The following COL26A1 variants were observed in gnomAD, a reference collection of about 807,000 sequenced individuals.
The protein encoded by COL26A1 is collagen alpha-1(XXVI) chain.
A neutral mutation model predicts 59.3 loss-of-function variants in COL26A1; 41 were observed. The observed-to-expected ratio is 0.69, with a 90% CI of 0.54 to 0.90. The LOEUF (loss-of-function observed/expected upper bound fraction) is 0.90, where lower values mean the gene tolerates loss of function less well. COL26A1 is among the 40% of genes least tolerant of loss of function. The probability of loss-of-function intolerance (pLI) is 0.00; values close to 1 mark genes in which losing one functional copy is unlikely to be tolerated. For missense variants in COL26A1, 612 were observed against 602.3 expected, an observed-to-expected ratio of 1.02 and a Z score of -0.17; for synonymous variants, 266 against 256.0, an observed-to-expected ratio of 1.04 and a Z score of -0.37.
At chr7:101,463,992 G>A (rs1294916937) in intron 3 of COL26A1, among the ~76,000 whole-genome samples, 1 of 143,436 alleles carries the variant, frequency 7.0e-6, no homozygotes, top group Non-Finnish European at 1.5e-5. Context: ...TTGTGACAGG[G>A]TCTTGCTCTG....
At chr7:101,489,827 TTTCTTTCTTTCTTTC>T (rs1794396363) in intron 3 of COL26A1, among the ~76,000 whole-genome samples, 1 of 11,856 alleles carries the variant, frequency 8.4e-5, no homozygotes, top group Non-Finnish European at 1.3e-4. Flanking sequence ...TCTTTCTTTC[TTTCTTTCTTTCTTTC>T]TTTCTTTCTT....
intron 3 of COL26A1, among the ~76,000 whole-genome samples, chr7:101,529,618 T>A (rs181311823): frequency 2.6e-5 from 4 of 152,254 alleles, no homozygotes; most frequent in Admixed American, 2.6e-4. Context: ...TCATACCCCA[T>A]CTTTATGTCC....
At chr7:101,483,319 G>A (rs1305416261) in intron 3 of COL26A1, among the ~76,000 whole-genome samples, 3 of 144,904 alleles carry the variant, frequency 2.1e-5, no homozygotes, top group Non-Finnish European at 3.0e-5. Context: ...TGCCTCAGTC[G>A]CCCAAGTAGC....
intron 2 of COL26A1, among the ~76,000 whole-genome samples, chr7:101,446,997 A>C (rs950952824): frequency 5.3e-5 from 8 of 151,982 alleles, no homozygotes; most frequent in African/African-American, 1.9e-4. Flanking sequence ...GAGGCTCGGA[A>C]GTTGGGGAGT....
intron 3 of COL26A1, among the ~76,000 whole-genome samples, chr7:101,514,379 C>T (rs1421513457): frequency 6.6e-6 from 1 of 152,030 alleles, no homozygotes; most frequent in Admixed American, 6.6e-5. Context: ...AAAAAATAAA[C>T]CACAACGAGA....
At chr7:101,516,564 C>T (rs1795032748) in intron 3 of COL26A1, among the ~76,000 whole-genome samples, 1 of 152,158 alleles carries the variant, frequency 6.6e-6, no homozygotes, top group Non-Finnish European at 1.5e-5. Context: ...AGCTAGTGCA[C>T]CTGGTGAGAT....
rs537758695 is a variant in COL26A1 at position 101,384,102 on chromosome 7, C to G, written c.158+20912C>G. Among the ~76,000 whole-genome samples the G allele has an allele frequency of 2.0e-3, 308 of 152,296 alleles. 1 individual carries two copies. The highest frequency in any genetic ancestry group is 3.4e-3 in the Middle Eastern group (1 of 294). ...AATCACTCTTTACTGCAGCTTCCAA[C>G]TCCTGGGCTCAGGTGATCCTCCCAT... On this transcript the variant is annotated intron_variant, in intron 1 of 12. Coordinates refer to ENST00000313669, the MANE Select transcript of COL26A1 (RefSeq NM_001278563.3).
intron 3 of COL26A1, among the ~76,000 whole-genome samples, chr7:101,500,544 G>A (rs73180850): frequency 0.14 from 21,272 of 152,210 alleles, 1,966 homozygotes; most frequent in South Asian, 0.21. Flanking sequence ...CGGACCGGGC[G>A]CGGTGCCTCA....
chr7:101,539,846 T>C (rs951449724), intron 4 of COL26A1, 47 bp from the exon 5 acceptor site: 2 of 1,579,112 alleles, frequency 1.3e-6, no homozygotes, highest in Non-Finnish European at 1.7e-6. Context: ...CATGTCCCTA[T>C]GTGTCAGGCC....
At chr7:101,376,012 T>C (rs1017081151) in intron 1 of COL26A1, among the ~76,000 whole-genome samples, 4 of 127,432 alleles carry the variant, frequency 3.1e-5, no homozygotes, top group South Asian at 5.1e-4. Flanking sequence ...AAAAAGAAAA[T>C]TAGCCAGGCA....
At chr7:101,367,521 C>T (rs1049426614) in intron 1 of COL26A1, among the ~76,000 whole-genome samples, 15 of 119,954 alleles carry the variant, frequency 1.3e-4, no homozygotes, top group Admixed American at 2.3e-4. Flanking sequence ...AAAAATTAGC[C>T]GGGCGTGGTG....
At chr7:101,397,352 C>A (rs1250812422) in intron 1 of COL26A1, among the ~76,000 whole-genome samples, 8 of 116,094 alleles carry the variant, frequency 6.9e-5, no homozygotes, top group Non-Finnish European at 3.7e-5. Flanking sequence ...GCTTTCTTTT[C>A]CTTCCTTCCT....
intron 3 of COL26A1, among the ~76,000 whole-genome samples, chr7:101,459,368 G>A (rs890763186): frequency 1.3e-4 from 20 of 151,918 alleles, no homozygotes; most frequent in Admixed American, 1.1e-3. Context: ...GCACGATCTC[G>A]TGCTCACTAC....
At chr7:101,475,781 T>C (rs28583780) in intron 3 of COL26A1, among the ~76,000 whole-genome samples, 13 of 106,636 alleles carry the variant, frequency 1.2e-4, no homozygotes, top group African/African-American at 7.3e-4. Flanking sequence ...TCTTTCTTTC[T>C]TTCTTTCCTT....
intron 2 of COL26A1, among the ~76,000 whole-genome samples, chr7:101,439,731 T>A (rs574305108): frequency 1.3e-5 from 2 of 152,088 alleles, no homozygotes; most frequent in South Asian, 4.2e-4. Flanking sequence ...ATGGGGCTGC[T>A]CCACCTTGGG....
At chr7:101,525,717 C>G (rs1458829026) in intron 3 of COL26A1, among the ~76,000 whole-genome samples, 2 of 150,108 alleles carry the variant, frequency 1.3e-5, no homozygotes, top group East Asian at 2.0e-4. Flanking sequence ...AGGATGGTCT[C>G]GATCTCCTGA....
chr7:101,538,272 G>A (rs1427553318), intron 4 of COL26A1, among the ~76,000 whole-genome samples: 4 of 152,206 alleles, frequency 2.6e-5, no homozygotes, highest in East Asian at 1.9e-4. Context: ...AGATTCAGGA[G>A]AACGGGGTCC....
At chr7:101,443,354 C>T (rs529071471) in intron 2 of COL26A1, among the ~76,000 whole-genome samples, 1 of 152,252 alleles carries the variant, frequency 6.6e-6, no homozygotes, top group East Asian at 1.9e-4. Context: ...GTTTATGAAA[C>T]ACGAGTGCAG....
chr7:101,388,404 C>T (rs1346621967), intron 1 of COL26A1, among the ~76,000 whole-genome samples: 3 of 151,466 alleles, frequency 2.0e-5, no homozygotes, highest in South Asian at 4.2e-4. Flanking sequence ...ACCCGGGAGA[C>T]GGAGGTTGCA....
Sources: gnomAD v4.1 joint callset for allele counts (sites outside exome capture counted in the v4.1 genomes callset) on GRCh38, gnomAD v4.1.1 for gene constraint, MANE v1.5 for transcripts, NCBI Gene and HGNC (gene_info 2026-07-23, HGNC 2026-07-21) for gene names.